SVIL: variants seen among roughly 807,000 people sequenced by gnomAD.
SVIL encodes archvillin.
In SVIL, 101 loss-of-function variants were observed where a neutral mutation model predicts 240.4. The ratio of observed to expected loss-of-function variants is 0.42; its 90% CI spans 0.36 to 0.50. The LOEUF (loss-of-function observed/expected upper bound fraction) is 0.50. SVIL is among the 20% of genes least tolerant of loss of function. The pLI is 0.01. For missense variants in SVIL, 2,512 were observed against 2,818.7 expected, an observed-to-expected ratio of 0.89 and a Z score of 2.46; for synonymous variants, 999 against 1,100.0, an observed-to-expected ratio of 0.91 and a Z score of 1.82.
rs1277219479 is a variant in SVIL, at chr10:29,529,775, T to G, written c.2176A>C (p.Arg726=). 6.2e-7 allele frequency: 1 copy of G among 1,613,918 alleles called. No individual in the cohort carries two copies. The highest frequency in any genetic ancestry group is 2.2e-5 in the East Asian group (1 of 44,860). The change falls in exon 12 of 38, where the codon AGG becomes CGG. Residue 726 remains arginine, a synonymous_variant. Coordinates refer to ENST00000355867, the MANE Select transcript of SVIL (RefSeq NM_021738.3). ...RRSRNTAVEQ[R]LRRLQDRSLT... is the part of the protein sequence containing the mutation. ...GACCTGTCCTGCAGACGGCGTAGCC[T>G]CTGCTCCACAGCTGTGTTTCTTGAG...
chr10:29,497,778 G>A (rs980283163), intron 18 of SVIL, among the ~76,000 whole-genome samples: 6 of 152,102 alleles, frequency 3.9e-5, no homozygotes, highest in Admixed American at 3.9e-4. Context: ...GAAGGAAATG[G>A]AAACAATTTA....
intron 1 of SVIL, among the ~76,000 whole-genome samples, chr10:29,721,257 C>CAAAAAA (rs77401405): frequency 6.0e-5 from 9 of 150,018 alleles, no homozygotes; most frequent in African/African-American, 2.2e-4. Context: ...AACAAACAAA[C>CAAAAAA]AAAAAAACAC....
intron 6 of SVIL, among the ~76,000 whole-genome samples, chr10:29,539,853 T>C (rs1298031997): frequency 6.6e-6 from 1 of 152,230 alleles, no homozygotes; most frequent in Non-Finnish European, 1.5e-5. Flanking sequence ...GAGTCTTCCC[T>C]ATGCCAAATC....
intron 1 of SVIL, among the ~76,000 whole-genome samples, chr10:29,629,746 A>G (rs1714089142): frequency 1.3e-5 from 2 of 148,926 alleles, no homozygotes; most frequent in East Asian, 1.9e-4. Context: ...GAGAGGCCTT[A>G]ATGGGAGGAT....
intron 6 of SVIL, among the ~76,000 whole-genome samples, chr10:29,548,144 G>A (rs770682801): frequency 1.3e-5 from 2 of 152,216 alleles, no homozygotes; most frequent in Non-Finnish European, 2.9e-5. Context: ...GGATGCTCGA[G>A]TATGTGGTGA....
At chr10:29,680,695 G>C (rs959169945) in intron 2 of SVIL, among the ~76,000 whole-genome samples, 2 of 152,198 alleles carry the variant, frequency 1.3e-5, no homozygotes, top group Non-Finnish European at 2.9e-5. Flanking sequence ...GAGGCGGGTG[G>C]ATCACTTGAG....
At chr10:29,662,994 C>T (rs1204409951) in intron 2 of SVIL, among the ~76,000 whole-genome samples, 1 of 152,104 alleles carries the variant, frequency 6.6e-6, no homozygotes, top group Non-Finnish European at 1.5e-5. Context: ...GCACCTGTAG[C>T]CCTAGCTACT....
intron 6 of SVIL, among the ~76,000 whole-genome samples, chr10:29,545,582 C>T (rs1275018532): frequency 6.6e-6 from 1 of 152,048 alleles, no homozygotes; most frequent in Non-Finnish European, 1.5e-5. Context: ...ACCAGCCGGG[C>T]GTGGTGGCTC....
intron 13 of SVIL, among the ~76,000 whole-genome samples, 182 bp downstream of exon 13, chr10:29,526,779 G>A (rs942030463): frequency 1.3e-5 from 2 of 152,144 alleles, no homozygotes; most frequent in Admixed American, 6.5e-5. Flanking sequence ...GTTTTCCCAC[G>A]CACGCCAGCA....
At chr10:29,713,933 T>C (rs10763739) in intron 1 of SVIL, among the ~76,000 whole-genome samples, 29,362 of 152,216 alleles carry the variant, frequency 0.19, 3,507 homozygotes, top group African/African-American at 0.34. Context: ...AAGCCAAATA[T>C]GGAATAGAAT....
At chr10:29,646,613 T>C (rs1958666072) in intron 3 of SVIL, among the ~76,000 whole-genome samples, 1 of 152,234 alleles carries the variant, frequency 6.6e-6, no homozygotes, top group Non-Finnish European at 1.5e-5. Context: ...CAAGTATTAA[T>C]TCAAATCCCT....
At chr10:29,522,738 C>G in intron 15 of SVIL, 103 bp from the exon 16 acceptor site, 1 of 1,314,448 alleles carries the variant, frequency 7.6e-7, no homozygotes, top group Non-Finnish European at 1.0e-6. Flanking sequence ...TCCGTGGGCA[C>G]ACGGCGGGTG....
chr10:29,526,970 T>G lies in SVIL; in HGVS notation c.2333A>C (p.Gln778Pro). The G allele has an allele frequency of 6.2e-7, 1 of 1,601,570 alleles. No individual in the cohort carries two copies. The change falls in exon 13 of 38, where the codon CAG becomes CCG. Residue 778 changes from glutamine (Q) to proline (P), a missense_variant. Around this residue, in one of 3 missense-constraint regions of SVIL, gnomAD observed 1,443 missense variants for 1,486.6 expected, o/e 0.97. Coordinates refer to ENST00000355867, the MANE Select transcript of SVIL (RefSeq NM_021738.3). ...PSPTVARSAV[Q>P]PARLQASAHQ... ...TGTATCTGTCCAGTACCTGGCAGGC[T>G]GCACAGCGCTCCTAGCTACAGTGGG...
Position 29,627,619 on chromosome 10 carries a change from C to G in SVIL, c.-201+6801G>C, listed in dbSNP as rs187346333. ...TTGCTCTGCTGTGTTCTCCACGCCA[C>G]GTGCCCACTGCAACTTCCTTTTGAA... On this transcript the variant is annotated intron_variant, in intron 1 of 37. Transcript: ENST00000355867. Among the ~76,000 whole-genome samples the G allele has an allele frequency of 3.4e-4, 52 of 152,274 alleles. 1 individual carries two copies. Among genetic ancestry groups the G allele is most frequent in the African/African-American group, 1.2e-3 (49 of 41,564 alleles).
rs1373199703 is a variant in SVIL at position 29,472,319 on chromosome 10, A to G, written c.5530-1076T>C. Among the ~76,000 whole-genome samples, 3 of 152,250 alleles carry G rather than the reference A, an allele frequency of 2.0e-5. 1 individual carries two copies. The highest frequency in any genetic ancestry group is 2.0e-4 in the Admixed American group (3 of 15,286). On this transcript the variant is annotated intron_variant, in intron 30 of 37. Transcript: ENST00000355867. ...AAATTAAAATGCAACTCTTGCCAGT[A>G]CCATTTCTAAAATATAGTCCATAGT... is the stretch of plus-strand genomic sequence containing the variant.
At chr10:29,459,826 T>C (rs1230627750) in intron 36 of SVIL, among the ~76,000 whole-genome samples, 3 of 152,116 alleles carry the variant, frequency 2.0e-5, no homozygotes, top group Admixed American at 2.0e-4. Flanking sequence ...TGCAGTGACT[T>C]GTGCCTGTAA....
chr10:29,531,883 T>C (rs957609221), intron 9 of SVIL, 119 bp downstream of exon 9: 55 of 1,196,818 alleles, frequency 4.6e-5, no homozygotes, highest in Non-Finnish European at 7.1e-6. Flanking sequence ...ATAGGTTAGA[T>C]GGAACAATTA....
At chr10:29,467,995 C>G (rs1017337562) in intron 32 of SVIL, 120 bp from the exon 33 acceptor site, 36 of 1,125,264 alleles carry the variant, frequency 3.2e-5, no homozygotes, top group Middle Eastern at 3.0e-4. Context: ...ATTCACATGT[C>G]ATAAAATTCA....
In SVIL at chr10:29,563,008, A is replaced by G. The variant is rs182138089; in HGVS notation, c.-51+193T>C. ...AAAATTAAAGGGCAAGAAGGAGTAG[A>G]AAGGTGAGGATTAAAAATGCATGGA... On this transcript the variant is annotated intron_variant, in intron 3 of 37. Transcript: ENST00000355867. Among the ~76,000 whole-genome samples, 12 of 152,286 alleles carry G rather than the reference A, an allele frequency of 7.9e-5. No homozygotes were observed. The East Asian group carries it at 2.3e-3, about 29-fold the overall frequency.
Sources: allele counts gnomAD v4.1 joint callset (sites outside exome capture counted in the v4.1 genomes callset), GRCh38; gene constraint gnomAD v4.1.1; regional missense constraint gnomAD v4.1.1; transcripts MANE v1.5; gene names NCBI Gene and HGNC (gene_info 2026-07-23, HGNC 2026-07-21).